XYLT1: variants seen among roughly 807,000 people sequenced by gnomAD.
XYLT1 encodes xylosyltransferase 1.
Under a neutral mutation model 91.3 loss-of-function variants are expected in XYLT1, and 36 were observed. The ratio of observed to expected loss-of-function variants is 0.39; its 90% CI spans 0.30 to 0.52. The LOEUF is 0.52. Ranked by LOEUF, XYLT1 falls within the 20% of genes least tolerant of loss-of-function variation. The pLI is 0.68. For synonymous variants in XYLT1, 588 were observed against 532.0 expected, an observed-to-expected ratio of 1.11 and a Z score of -1.45; for missense variants, 1,242 against 1,284.5, an observed-to-expected ratio of 0.97 and a Z score of 0.51.
At chr16:17,175,363 G>A (rs914230641) in intron 5 of XYLT1, among the ~76,000 whole-genome samples, 1 of 152,178 alleles carries the variant, frequency 6.6e-6, no homozygotes, top group Non-Finnish European at 1.5e-5. Context: ...GTTGCTTGCT[G>A]AGGCACTTGT....
At chr16:17,453,405 G>T (rs1344655753) in intron 1 of XYLT1, among the ~76,000 whole-genome samples, 1 of 152,164 alleles carries the variant, frequency 6.6e-6, no homozygotes, top group Non-Finnish European at 1.5e-5. Context: ...CCAGCACCAA[G>T]CAAACCTGAA....
intron 2 of XYLT1, among the ~76,000 whole-genome samples, chr16:17,314,926 A>G (rs756508054): frequency 1.3e-5 from 2 of 151,992 alleles, no homozygotes; most frequent in Non-Finnish European, 2.9e-5. Context: ...GATAAAGTAG[A>G]GAGGTGAGAG....
At chr16:17,173,101 T>C (rs878903051) in intron 5 of XYLT1, among the ~76,000 whole-genome samples, 1 of 152,206 alleles carries the variant, frequency 6.6e-6, no homozygotes, top group Admixed American at 6.5e-5. Flanking sequence ...TCTGATCACA[T>C]AAACTCTGCC....
intron 3 of XYLT1, among the ~76,000 whole-genome samples, chr16:17,206,492 G>C (rs2032647568): frequency 6.6e-6 from 1 of 152,046 alleles, no homozygotes; most frequent in Non-Finnish European, 1.5e-5. Context: ...AGCCACGGGG[G>C]CCTGGGCAAG....
chr16:17,153,104 C>T (rs2031320961), intron 6 of XYLT1, among the ~76,000 whole-genome samples: 1 of 152,092 alleles, frequency 6.6e-6, no homozygotes, highest in South Asian at 2.1e-4. Flanking sequence ...TCAACAACAC[C>T]ATCATTATCA....
At chr16:17,129,652 T>A (rs1034750678) in intron 9 of XYLT1, among the ~76,000 whole-genome samples, 5 of 152,206 alleles carry the variant, frequency 3.3e-5, no homozygotes, top group Admixed American at 6.5e-5. Context: ...TGTGAGACTT[T>A]GGGAAAGCTG....
At chr16:17,208,976 C>A (rs575372022) in intron 3 of XYLT1, among the ~76,000 whole-genome samples, 1 of 152,336 alleles carries the variant, frequency 6.6e-6, no homozygotes, top group African/African-American at 2.4e-5. Context: ...ATCAGCCCAC[C>A]TTGGCCTCCC....
At chr16:17,142,431 A>ATTTT (rs71137975) in intron 6 of XYLT1, among the ~76,000 whole-genome samples, 88 of 122,728 alleles carry the variant, frequency 7.2e-4, no homozygotes, top group Middle Eastern at 4.5e-3. Flanking sequence ...AAATCCTGTA[A>ATTTT]TTTTTTTTTT....
intron 5 of XYLT1, chr16:17,192,873 T>G (rs555374681): frequency 6.8e-6 from 1 of 147,562 alleles, no homozygotes; most frequent in Non-Finnish European, 1.5e-5. Context: ...AGCGCGGTGG[T>G]ACGATCTCGG....
chr16:17,332,800 G>C (rs1300144467), intron 2 of XYLT1, among the ~76,000 whole-genome samples: 2 of 152,008 alleles, frequency 1.3e-5, no homozygotes, highest in African/African-American at 4.8e-5. Context: ...GCCATTTATA[G>C]TCATCCAGTA....
intron 1 of XYLT1, among the ~76,000 whole-genome samples, chr16:17,383,939 G>C (rs2035715759): frequency 6.6e-6 from 1 of 151,746 alleles, no homozygotes; most frequent in African/African-American, 2.4e-5. Context: ...GTAGAGACAG[G>C]GTTTCGCCAT....
At chr16:17,267,969 G>C (rs568045599) in intron 2 of XYLT1, among the ~76,000 whole-genome samples, 1 of 152,174 alleles carries the variant, frequency 6.6e-6, no homozygotes, top group Admixed American at 6.5e-5. Context: ...ATTAATGATT[G>C]CAATGGTGAC....
intron 2 of XYLT1, among the ~76,000 whole-genome samples, chr16:17,316,235 CAT>C (rs1312277336): frequency 6.6e-6 from 1 of 152,154 alleles, no homozygotes. Flanking sequence ...GATATTTACA[CAT>C]GTCATCGGAG....
At chr16:17,411,673 C>A (rs1208386808) in intron 1 of XYLT1, among the ~76,000 whole-genome samples, 1 of 152,158 alleles carries the variant, frequency 6.6e-6, no homozygotes, top group Non-Finnish European at 1.5e-5. Context: ...TTTTCTGGGA[C>A]CTCTGATCTC....
At position 17,108,526 on chromosome 16, in the gene XYLT1, G is replaced by T; in HGVS notation, c.*169C>A. 1.5e-6 allele frequency: 1 copy of T among 667,980 alleles called. No individual in the cohort carries two copies. The highest frequency in any genetic ancestry group is 2.4e-6 in the Non-Finnish European group (1 of 420,022). The allele number at this position is 667,980 out of a possible 1,614,324, so 41.4% of individuals were successfully genotyped here. The stretch of plus-strand genomic sequence containing the variant: ...GCAGCTTGCCAAAGGCAGGTTGTTG[G>T]CTGATCCTGCTTTGACCTGCTGACC... On this transcript the variant is annotated 3_prime_UTR_variant, in exon 12 of 12. Transcript: ENST00000261381.
chr16:17,136,349 T>C (rs767362945), intron 8 of XYLT1, among the ~76,000 whole-genome samples: 5 of 152,166 alleles, frequency 3.3e-5, no homozygotes, highest in Non-Finnish European at 5.9e-5. Flanking sequence ...AGCCCCCTGA[T>C]CGTAAGTACC....
chr16:17,459,731 T>G (rs2036790269), intron 1 of XYLT1, among the ~76,000 whole-genome samples: 1 of 152,220 alleles, frequency 6.6e-6, no homozygotes, highest in South Asian at 2.1e-4. Context: ...GAGGTCATCC[T>G]GCCCCCAAAC....
chr16:17,197,857 T>C (rs901215177), intron 5 of XYLT1, among the ~76,000 whole-genome samples: 2 of 152,186 alleles, frequency 1.3e-5, no homozygotes, highest in African/African-American at 2.4e-5. Flanking sequence ...CGCCTTGTGA[T>C]TGTGTGAGTC....
At chr16:17,351,326 G>A (rs1406677806) in intron 2 of XYLT1, among the ~76,000 whole-genome samples, 7 of 152,082 alleles carry the variant, frequency 4.6e-5, no homozygotes, top group East Asian at 1.9e-4. Flanking sequence ...CAGCCTGGCC[G>A]ACATGGTGAA....
Sources: gnomAD v4.1 joint callset for allele counts (sites outside exome capture counted in the v4.1 genomes callset) on GRCh38, gnomAD v4.1.1 for gene constraint, MANE v1.5 for transcripts, NCBI Gene and HGNC (gene_info 2026-07-23, HGNC 2026-07-21) for gene names.